Variants in CYB5A observed in about 807,000 individuals in gnomAD.
CYB5A encodes cytochrome b5.
Under a neutral mutation model 16.2 loss-of-function variants are expected in CYB5A, and 10 were observed. The ratio of observed to expected loss-of-function variants is 0.62; its 90% confidence interval spans 0.38 to 1.04. CYB5A has a LOEUF of 1.04. CYB5A is among the 50% of genes least tolerant of loss of function. The pLI is 0.01. For missense variants in CYB5A, 161 were observed against 165.9 expected, an observed-to-expected ratio of 0.97 and a Z score of 0.16; for synonymous variants, 62 against 57.0, an observed-to-expected ratio of 1.09 and a Z score of -0.40.
intron 4 of CYB5A, 47 bp from the exon 5 acceptor site, chr18:74,253,712 G>A: frequency 1.5e-6 from 2 of 1,321,050 alleles, no homozygotes; most frequent in Non-Finnish European, 2.2e-6. Flanking sequence ...GTGCACTGTG[G>A]TGGACTCAAA....
Position 74,263,414 on chromosome 18 carries a change from C to T in CYB5A, c.193G>A (p.Asp65Asn). ...CTGGCATCTGTAGAGTGCCCGACAT[C>T]CTCAAAGTTCTCAGTAGCGTCACCT... is the stretch of plus-strand genomic sequence containing the variant. ...AGGDATENFE[D>N]VGHSTDAREM... The change falls in exon 2 of 5, where the codon GAT (aspartate) becomes AAT (asparagine). Residue 65 changes from aspartate (D) to asparagine (N), a missense_variant. Transcript: ENST00000340533. 6.2e-7 allele frequency: 1 copy of T among 1,614,084 alleles called. No individual in the cohort carries two copies. Among genetic ancestry groups the T allele is most frequent in the Non-Finnish European group, 8.5e-7 (1 of 1,179,986 alleles).
intron 1 of CYB5A, among the ~76,000 whole-genome samples, chr18:74,282,506 C>G (rs184059088): frequency 2.0e-5 from 3 of 152,286 alleles, no homozygotes; most frequent in African/African-American, 7.2e-5. Context: ...TTCCTGGCAC[C>G]GGACATGGGC....
chr18:74,288,752 T>C (rs1983413796), intron 1 of CYB5A, among the ~76,000 whole-genome samples: 3 of 152,088 alleles, frequency 2.0e-5, no homozygotes, highest in Admixed American at 1.3e-4. Context: ...GAGTCTCAGA[T>C]AGAACCCAGA....
At chr18:74,281,243 C>T (rs1210583184) in intron 1 of CYB5A, among the ~76,000 whole-genome samples, 5 of 152,102 alleles carry the variant, frequency 3.3e-5, no homozygotes, top group African/African-American at 4.8e-5. Flanking sequence ...GTGTTTCCCA[C>T]GTTAGGGTGA....
intron 1 of CYB5A, 140 bp from the exon 2 acceptor site, chr18:74,263,617 T>G: frequency 1.3e-6 from 1 of 763,232 alleles, no homozygotes; most frequent in South Asian, 1.5e-5. Context: ...TCCATAAATG[T>G]GGATTAAAAC....
chr18:74,279,494 C>A (rs966275231), intron 1 of CYB5A, among the ~76,000 whole-genome samples: 1 of 152,198 alleles, frequency 6.6e-6, no homozygotes, highest in Non-Finnish European at 1.5e-5. Context: ...CGTGCCACTG[C>A]ACTCCAGCCT....
rs761138408 is a variant in CYB5A, at chr18:74,263,474, G to C, written c.133C>G (p.Pro45Ala). The C allele has an allele frequency of 1.9e-6, 3 of 1,614,046 alleles. No individual in the cohort carries two copies. The highest frequency in any genetic ancestry group is 8.5e-7 in the Non-Finnish European group (1 of 1,179,976). Residue 45 changes from proline to alanine, a missense_variant, in exon 2 of 5, where the codon CCT (proline) becomes GCT (alanine). Pro to Ala is a conservative substitution (Grantham distance 27). Transcript: ENST00000340533. ...TCCCTTAAAACTTCTTCCCCACCAG[G>C]ATGCTGTTCAAAGGAGAGGTAGAAT... ...YDLTKFLEEHPGGEEVLREQA... is the reference protein window; with the variant it reads ...YDLTKFLEEHAGGEEVLREQA...
intron 3 of CYB5A, chr18:74,257,005 A>C: frequency 1.6e-6 from 1 of 627,252 alleles, no homozygotes; most frequent in South Asian, 2.0e-5. Context: ...GAATAAAATT[A>C]ACAAAAATTA....
In CYB5A at chr18:74,252,054, C is replaced by T. The variant is rs1236615487; in HGVS notation, c.*1530G>A. ...AAAATATTGAAATATTTACATAGGT[C>T]CCTTAACAAGTGTTGTAATTTATTT... On this transcript the variant is annotated 3_prime_UTR_variant, in exon 5 of 5. Coordinates refer to ENST00000340533, the MANE Select transcript of CYB5A (RefSeq NM_148923.4). 1 of 152,182 alleles carries T rather than the reference C, an allele frequency of 6.6e-6. No homozygotes were observed. Among genetic ancestry groups the T allele is most frequent in the African/African-American group, 2.4e-5 (1 of 41,444 alleles). 9.4% of individuals were successfully genotyped at this position (152,182 alleles called of 1,614,324 possible). A position where few individuals can be genotyped will look rare whatever the true frequency, so the allele number is the denominator to read the frequency against.
At chr18:74,262,413 G>A (rs915417808) in intron 2 of CYB5A, among the ~76,000 whole-genome samples, 48 of 145,560 alleles carry the variant, frequency 3.3e-4, no homozygotes, top group African/African-American at 1.2e-3. Context: ...CCGAGATCGC[G>A]CCACTGCACT....
At chr18:74,260,087 G>A (rs1032050638) in intron 3 of CYB5A, 4 of 152,176 alleles carry the variant, frequency 2.6e-5, no homozygotes, top group African/African-American at 9.7e-5. Flanking sequence ...TGATGTCTTG[G>A]CAGCAACAGC....
intron 1 of CYB5A, among the ~76,000 whole-genome samples, chr18:74,286,924 GTTTTC>G (rs1235306920): frequency 1.3e-5 from 2 of 152,050 alleles, no homozygotes; most frequent in African/African-American, 4.8e-5. Context: ...TTTCTTTACT[GTTTTC>G]TTTACTGTTT....
At chr18:74,265,162 T>G (rs1228789188) in intron 1 of CYB5A, among the ~76,000 whole-genome samples, 1 of 152,210 alleles carries the variant, frequency 6.6e-6, no homozygotes, top group Non-Finnish European at 1.5e-5. Context: ...TTGAAACTGT[T>G]TCTCTTCCTA....
intron 1 of CYB5A, among the ~76,000 whole-genome samples, chr18:74,279,532 AAATAAATAAAT>A (rs1300817174): frequency 6.6e-6 from 1 of 151,674 alleles, no homozygotes; most frequent in East Asian, 1.9e-4. Flanking sequence ...TCCGTCTCAA[AAATAAATAAAT>A]AATAAATAAA....
At chr18:74,266,851 ACAT>A (rs869038424) in intron 1 of CYB5A, among the ~76,000 whole-genome samples, 1 of 31,924 alleles carries the variant, frequency 3.1e-5, no homozygotes, top group Admixed American at 3.7e-4. Context: ...AAAAAAAAAA[ACAT>A]AGCTTAGAAT....
intron 1 of CYB5A, chr18:74,291,014 A>T (rs1983512051): frequency 6.5e-6 from 1 of 154,150 alleles, no homozygotes; most frequent in Admixed American, 6.5e-5. Flanking sequence ...CCAAGGCGTG[A>T]CTGGAAAAGG....
chr18:74,254,582 C>T (rs1216751534), intron 4 of CYB5A, among the ~76,000 whole-genome samples: 3 of 151,512 alleles, frequency 2.0e-5, no homozygotes, highest in African/African-American at 2.4e-5. Flanking sequence ...TGCAGTGGCA[C>T]GATCTTGGCT....
intron 1 of CYB5A, among the ~76,000 whole-genome samples, chr18:74,272,734 C>T (rs1159642396): frequency 6.6e-6 from 1 of 152,140 alleles, no homozygotes; most frequent in African/African-American, 2.4e-5. Context: ...GCCTGGCCAA[C>T]ATGGTGAAAC....
chr18:74,283,829 T>C (rs1983211613), intron 1 of CYB5A, among the ~76,000 whole-genome samples: 1 of 152,198 alleles, frequency 6.6e-6, no homozygotes, highest in South Asian at 2.1e-4. Context: ...CTTTGCTCCT[T>C]ATCGTCTGTG....
Sources: allele counts gnomAD v4.1 joint callset (sites outside exome capture counted in the v4.1 genomes callset), GRCh38; gene constraint gnomAD v4.1.1; transcripts MANE v1.5; gene names NCBI Gene and HGNC (gene_info 2026-07-23, HGNC 2026-07-21).